CPEB3: variants seen among roughly 807,000 people sequenced by gnomAD.
CPEB3 encodes cytoplasmic polyadenylation element-binding protein 3.
A neutral mutation model predicts 67.2 loss-of-function variants in CPEB3; 20 were observed. That is an observed-to-expected ratio of 0.30 (90% CI 0.21 to 0.43). The LOEUF is 0.43. Ranked by LOEUF, CPEB3 falls within the 20% of genes least tolerant of loss-of-function variation. The pLI, the probability that CPEB3 is intolerant of heterozygous loss-of-function variation, is 1.00. For missense variants in CPEB3, 746 were observed against 968.6 expected, an observed-to-expected ratio of 0.77 and a Z score of 3.05; for synonymous variants, 376 against 393.1, an observed-to-expected ratio of 0.96 and a Z score of 0.51.
chr10:92,231,017 C>T (rs1387151162), intron 2 of CPEB3, among the ~76,000 whole-genome samples: 1 of 152,294 alleles, frequency 6.6e-6, no homozygotes, highest in East Asian at 1.9e-4. Flanking sequence ...ACCCTTATAG[C>T]AGTCAGAAAA....
At position 92,225,864 on chromosome 10, in the gene CPEB3, C is replaced by T. The variant is rs369681227; in HGVS notation, c.1005+13482G>A. Among the ~76,000 whole-genome samples the T allele has an allele frequency of 1.1e-4, 17 of 152,172 alleles. No individual in the cohort carries two copies. The East Asian group carries it at 1.2e-3, about 10-fold the overall frequency. On this transcript the variant is annotated intron_variant, in intron 2 of 9. Transcript: ENST00000265997. The stretch of plus-strand genomic sequence containing the variant: ...CTGTAATCCCAGCACTTTGGGAGGC[C>T]GAGGCAGGCAGATCACGAGGTCAGG...
chr10:92,288,620 G>C (rs1271377822), intron 1 of CPEB3, among the ~76,000 whole-genome samples: 2 of 152,054 alleles, frequency 1.3e-5, no homozygotes, highest in Non-Finnish European at 2.9e-5. Flanking sequence ...TACTTTAAAA[G>C]GTTTTTGACA....
intron 1 of CPEB3, 82 bp from the exon 2 acceptor site, chr10:92,240,443 G>C: frequency 7.5e-7 from 1 of 1,327,058 alleles, no homozygotes; most frequent in South Asian, 1.8e-5. Context: ...TGTTTCACTT[G>C]CGAAAATCCA....
At chr10:92,209,092 G>A (rs1361587861) in intron 2 of CPEB3, among the ~76,000 whole-genome samples, 1 of 152,122 alleles carries the variant, frequency 6.6e-6, no homozygotes, top group Non-Finnish European at 1.5e-5. Flanking sequence ...TGTTGAACAA[G>A]TGAAGAAAGA....
At chr10:92,235,315 G>A (rs368554248) in intron 2 of CPEB3, among the ~76,000 whole-genome samples, 51 of 151,902 alleles carry the variant, frequency 3.4e-4, no homozygotes, top group African/African-American at 1.2e-3. Flanking sequence ...GTGTGGTGGC[G>A]GGCACCTGTA....
chr10:92,125,934 G>A (rs1045472135), intron 6 of CPEB3, among the ~76,000 whole-genome samples: 4 of 151,988 alleles, frequency 2.6e-5, no homozygotes, highest in Non-Finnish European at 5.9e-5. Context: ...ATGTTGCCCA[G>A]ACTGGTCTTG....
intron 6 of CPEB3, among the ~76,000 whole-genome samples, chr10:92,118,145 T>C (rs2133573117): frequency 6.6e-6 from 1 of 152,318 alleles, no homozygotes; most frequent in African/African-American, 2.4e-5. Flanking sequence ...TTTTGTTTTG[T>C]TTCAAGATGG....
chr10:92,090,480 T>C (rs1434334496), intron 8 of CPEB3, among the ~76,000 whole-genome samples: 2 of 152,178 alleles, frequency 1.3e-5, no homozygotes, highest in Non-Finnish European at 2.9e-5. Context: ...AGGCGGAGGT[T>C]GCAGTGAGCC....
chr10:92,070,869 A>C (rs1178922488), intron 9 of CPEB3, among the ~76,000 whole-genome samples: 1 of 144,716 alleles, frequency 6.9e-6, no homozygotes, highest in Admixed American at 6.9e-5. Context: ...AAAAAAAAAA[A>C]CTCAAATAAT....
intron 2 of CPEB3, among the ~76,000 whole-genome samples, chr10:92,214,820 C>T (rs987340659): frequency 6.6e-6 from 1 of 151,662 alleles, no homozygotes; most frequent in Non-Finnish European, 1.5e-5. Flanking sequence ...TTCAACTTTC[C>T]CAGCATTCCT....
At chr10:92,290,882 AG>A (rs1287744190) in intron 1 of CPEB3, 43 bp downstream of exon 1, 1 of 152,900 alleles carries the variant, frequency 6.5e-6, no homozygotes, top group East Asian at 1.9e-4. Flanking sequence ...GTCCCACCTG[AG>A]GGCAAGAGCG....
At chr10:92,242,403 A>G (rs2134704760) in intron 1 of CPEB3, among the ~76,000 whole-genome samples, 1 of 152,368 alleles carries the variant, frequency 6.6e-6, no homozygotes, top group East Asian at 1.9e-4. Context: ...CAATACAAAG[A>G]GGCAAATGAA....
At chr10:92,268,193 T>C (rs187030726) in intron 1 of CPEB3, among the ~76,000 whole-genome samples, 3 of 152,320 alleles carry the variant, frequency 2.0e-5, no homozygotes, top group Admixed American at 2.0e-4. Context: ...ACATGTTTGA[T>C]TTATAGATAT....
intron 1 of CPEB3, among the ~76,000 whole-genome samples, chr10:92,289,263 C>G (rs1007042527): frequency 1.3e-5 from 2 of 151,794 alleles, no homozygotes; most frequent in African/African-American, 4.8e-5. Context: ...ATAGACCAGG[C>G]GCGGTGGCTC....
chr10:92,113,525 A>C (rs1339945542), intron 6 of CPEB3, among the ~76,000 whole-genome samples: 1 of 152,210 alleles, frequency 6.6e-6, no homozygotes, highest in Admixed American at 6.5e-5. Flanking sequence ...AAGCATATTG[A>C]ACACCCTGCA....
chr10:92,150,299 C>A (rs1201809220), intron 4 of CPEB3, among the ~76,000 whole-genome samples: 2 of 151,414 alleles, frequency 1.3e-5, no homozygotes, highest in African/African-American at 4.9e-5. Context: ...ACTAGGTTGC[C>A]CAGGTTGGTC....
chr10:92,125,439 C>T (rs1845566868), intron 6 of CPEB3, among the ~76,000 whole-genome samples: 1 of 152,220 alleles, frequency 6.6e-6, no homozygotes, highest in Admixed American at 6.5e-5. Flanking sequence ...CACAGCTGTG[C>T]TCATTGCACA....
intron 9 of CPEB3, among the ~76,000 whole-genome samples, chr10:92,055,443 G>A (rs758220599): frequency 1.3e-5 from 2 of 152,204 alleles, no homozygotes; most frequent in African/African-American, 2.4e-5. Flanking sequence ...TATCTTGAAT[G>A]TTGATGTTTT....
chr10:92,075,490 T>C (rs923774981), intron 9 of CPEB3, among the ~76,000 whole-genome samples: 2 of 152,114 alleles, frequency 1.3e-5, no homozygotes, highest in Admixed American at 1.3e-4. Flanking sequence ...GTTATGTAAA[T>C]ATACGAAAAA....
Sources: allele counts gnomAD v4.1 joint callset (sites outside exome capture counted in the v4.1 genomes callset), GRCh38; gene constraint gnomAD v4.1.1; transcripts MANE v1.5; gene names NCBI Gene and HGNC (gene_info 2026-07-23, HGNC 2026-07-21).